Variants in PPP3CC observed in about 807,000 individuals in gnomAD.
PPP3CC encodes the protein serine/threonine-protein phosphatase 2B catalytic subunit gamma isoform.
Under a neutral mutation model 60.3 loss-of-function variants are expected in PPP3CC, and 35 were observed. That is an observed-to-expected ratio of 0.58 (90% CI 0.44 to 0.77). PPP3CC has a LOEUF of 0.77. Among genes scored for constraint, PPP3CC ranks in the 30% least tolerant of loss-of-function variants. PPP3CC has a pLI of 0.00. For missense variants in PPP3CC, 570 were observed against 628.9 expected, an observed-to-expected ratio of 0.91 and a Z score of 1.00; for synonymous variants, 206 against 224.3, an observed-to-expected ratio of 0.92 and a Z score of 0.73.
chr8:22,444,391 G>A (rs898029542), intron 1 of PPP3CC, among the ~76,000 whole-genome samples: 1 of 152,176 alleles, frequency 6.6e-6, no homozygotes, highest in Non-Finnish European at 1.5e-5. Flanking sequence ...ATGATAATAG[G>A]TTGGTAATAG....
At chr8:22,526,119 C>T (rs1418475863) in intron 8 of PPP3CC, among the ~76,000 whole-genome samples, 2 of 152,306 alleles carry the variant, frequency 1.3e-5, no homozygotes, top group South Asian at 2.1e-4. Context: ...CTGCCCACCT[C>T]GGCCTCCCAA....
chr8:22,513,212 G>T (rs999430832), intron 5 of PPP3CC, 81 bp from the exon 6 acceptor site: 16 of 1,408,670 alleles, frequency 1.1e-5, no homozygotes, highest in Non-Finnish European at 1.5e-5. Flanking sequence ...GGTGAAAGGG[G>T]TTTTTCTTTG....
At chr8:22,499,295 C>T (rs1407166112) in intron 4 of PPP3CC, among the ~76,000 whole-genome samples, 4 of 150,430 alleles carry the variant, frequency 2.7e-5, no homozygotes, top group Admixed American at 1.3e-4. Context: ...AAAAATTAGC[C>T]GGGCGCGGTG....
chr8:22,504,897 G>GTATT (rs975644822), intron 4 of PPP3CC, among the ~76,000 whole-genome samples: 2 of 150,618 alleles, frequency 1.3e-5, no homozygotes, highest in Middle Eastern at 3.5e-3. Flanking sequence ...ATGTTTTTAT[G>GTATT]TATTTATTTA....
At chr8:22,450,078 TC>T (rs1421173976) in intron 1 of PPP3CC, among the ~76,000 whole-genome samples, 2 of 151,820 alleles carry the variant, frequency 1.3e-5, no homozygotes, top group East Asian at 3.9e-4. Flanking sequence ...ACCATGTTGG[TC>T]AGGCTGGTCT....
chr8:22,447,039 G>A (rs887082470), intron 1 of PPP3CC, among the ~76,000 whole-genome samples: 1 of 151,754 alleles, frequency 6.6e-6, no homozygotes, highest in Non-Finnish European at 1.5e-5. Context: ...ACAGGGTCTC[G>A]CTCTGTTGCC....
At chr8:22,458,392 A>G (rs11785398) in intron 1 of PPP3CC, among the ~76,000 whole-genome samples, 98,795 of 151,782 alleles carry the variant, frequency 0.65, 33,042 homozygotes, top group African/African-American at 0.81. Flanking sequence ...GAGGTCAGGA[A>G]TTTGAGATCA....
At chr8:22,521,312 G>T (rs1392338321) in intron 6 of PPP3CC, among the ~76,000 whole-genome samples, 8 of 152,208 alleles carry the variant, frequency 5.3e-5, no homozygotes, top group Non-Finnish European at 1.2e-4. Context: ...CTGCAGTTGG[G>T]TCTGGTTGGT....
At chr8:22,512,979 G>C (rs2449337) in intron 5 of PPP3CC, among the ~76,000 whole-genome samples, 64,836 of 151,658 alleles carry the variant, frequency 0.43, 14,085 homozygotes, top group East Asian at 0.55. Context: ...GGGAGGGTGA[G>C]GCAGGAGAAT....
chr8:22,453,617 A>G (rs1251680640), intron 1 of PPP3CC, among the ~76,000 whole-genome samples: 1 of 152,202 alleles, frequency 6.6e-6, no homozygotes, highest in Non-Finnish European at 1.5e-5. Context: ...GAACCAGTGC[A>G]GTTCAAACCC....
intron 6 of PPP3CC, among the ~76,000 whole-genome samples, chr8:22,520,700 T>G (rs1276435313): frequency 1.3e-5 from 2 of 152,204 alleles, no homozygotes; most frequent in Non-Finnish European, 2.9e-5. Context: ...ACATCTCTCT[T>G]TATTCATTTA....
intron 1 of PPP3CC, among the ~76,000 whole-genome samples, chr8:22,441,902 C>G (rs771545160): frequency 1.9e-4 from 29 of 152,168 alleles, no homozygotes; most frequent in Non-Finnish European, 1.3e-4. Flanking sequence ...GACCCGCTTT[C>G]TCTAGATCAT....
chr8:22,487,782 A>G (rs1012639156), intron 3 of PPP3CC, among the ~76,000 whole-genome samples: 17 of 152,234 alleles, frequency 1.1e-4, no homozygotes, highest in African/African-American at 3.9e-4. Context: ...GCTGCCAAAG[A>G]GAAAAATGTT....
intron 4 of PPP3CC, among the ~76,000 whole-genome samples, chr8:22,501,366 T>C (rs544290531): frequency 1.3e-5 from 2 of 152,348 alleles, no homozygotes; most frequent in Admixed American, 6.5e-5. Context: ...CTCATAGTTA[T>C]TGTAGGTCAG....
chr8:22,518,505 G>A (rs1004450217), intron 6 of PPP3CC, among the ~76,000 whole-genome samples: 3 of 152,000 alleles, frequency 2.0e-5, no homozygotes, highest in African/African-American at 7.2e-5. Context: ...TGATTATATA[G>A]CCTAAAGAAT....
intron 3 of PPP3CC, among the ~76,000 whole-genome samples, chr8:22,489,112 T>G (rs1838305364): frequency 6.6e-6 from 1 of 151,932 alleles, no homozygotes; most frequent in Non-Finnish European, 1.5e-5. Context: ...TGTTAGAAGG[T>G]CAGTTGACTT....
intron 1 of PPP3CC, among the ~76,000 whole-genome samples, chr8:22,472,337 A>G (rs1193318990): frequency 1.4e-5 from 2 of 138,912 alleles, no homozygotes; most frequent in African/African-American, 5.5e-5. Flanking sequence ...TTTTTTTTTA[A>G]CTTTTAGAAT....
chr8:22,475,584 T>C lies in PPP3CC; in HGVS notation c.332T>C (p.Phe111Ser), dbSNP rs201693564. 6.8e-6 allele frequency: 11 copies of C among 1,613,496 alleles called. No homozygotes were observed. The Admixed American group carries it at 1.0e-4, about 15-fold the overall frequency. ...GGSPSNTRYL[F>S]LGDYVDRGYF... ...TCACCTAGTAACACACGCTACCTCT[T>C]TCTGGGTGACTATGTGGACAGAGGC... Residue 111 changes from phenylalanine to serine, a missense_variant, in exon 3 of 14, where the codon TTT becomes TCT. Physicochemically the swap from Phe to Ser is radical, Grantham distance 155 (BLOSUM62 -2). Transcript: ENST00000240139.
intron 3 of PPP3CC, among the ~76,000 whole-genome samples, chr8:22,481,733 C>T (rs1563720300): frequency 6.6e-6 from 1 of 151,840 alleles, no homozygotes; most frequent in Non-Finnish European, 1.5e-5. Flanking sequence ...ATGATGTTCC[C>T]CTCCCTGTGT....
Sources: allele counts gnomAD v4.1 joint callset (sites outside exome capture counted in the v4.1 genomes callset), GRCh38; gene constraint gnomAD v4.1.1; transcripts MANE v1.5; gene names NCBI Gene and HGNC (gene_info 2026-07-23, HGNC 2026-07-21).